The following PKN2 variants were observed in gnomAD, a reference collection of about 807,000 sequenced individuals.
The protein encoded by PKN2 is serine/threonine-protein kinase N2.
Under a neutral mutation model 119.1 loss-of-function variants are expected in PKN2, and 38 were observed. The ratio of observed to expected loss-of-function variants is 0.32; its 90% CI spans 0.25 to 0.42. The LOEUF is 0.42. Ranked by LOEUF, PKN2 falls within the 10% of genes least tolerant of loss-of-function variation. PKN2 has a pLI of 1.00. For synonymous variants in PKN2, 390 were observed against 384.9 expected (o/e 1.01, Z -0.15); for missense variants, 850 against 1,165.1 (o/e 0.73, Z 3.94).
chr1:88,715,413 G>T (rs1327654748), intron 1 of PKN2, among the ~76,000 whole-genome samples: 1 of 151,956 alleles, frequency 6.6e-6, no homozygotes, highest in Non-Finnish European at 1.5e-5. Context: ...TTTTTTGGTT[G>T]GTAGACTATT....
intron 2 of PKN2, among the ~76,000 whole-genome samples, chr1:88,744,507 G>A (rs552384778): frequency 1.3e-4 from 20 of 152,234 alleles, no homozygotes; most frequent in Admixed American, 9.2e-4. Flanking sequence ...TGCAACCTCC[G>A]CCTGCCGGGT....
At chr1:88,706,635 T>C (rs1354868381) in intron 1 of PKN2, among the ~76,000 whole-genome samples, 2 of 152,256 alleles carry the variant, frequency 1.3e-5, no homozygotes, top group South Asian at 2.1e-4. Context: ...TTTAATTACA[T>C]TGGGGATGTT....
intron 1 of PKN2, among the ~76,000 whole-genome samples, chr1:88,723,609 G>C (rs1667783592): frequency 6.6e-6 from 1 of 152,100 alleles, no homozygotes; most frequent in Admixed American, 6.5e-5. Flanking sequence ...TTTTAGTAGA[G>C]GTGAGGTTTC....
chr1:88,764,417 A>T (rs1669575219), intron 3 of PKN2, among the ~76,000 whole-genome samples: 1 of 152,150 alleles, frequency 6.6e-6, no homozygotes, highest in Non-Finnish European at 1.5e-5. Flanking sequence ...CTTAAATTAC[A>T]ATTTATGTGA....
intron 6 of PKN2, among the ~76,000 whole-genome samples, chr1:88,783,009 A>G (rs1670415158): frequency 6.6e-6 from 1 of 152,208 alleles, no homozygotes; most frequent in Non-Finnish European, 1.5e-5. Context: ...TTTAGGGGTA[A>G]TTATTCTCTA....
chr1:88,703,929 G>A (rs769706311), intron 1 of PKN2, among the ~76,000 whole-genome samples: 1 of 151,914 alleles, frequency 6.6e-6, no homozygotes, highest in Non-Finnish European at 1.5e-5. Flanking sequence ...GGCTAATCCT[G>A]TATATAGAAA....
intron 8 of PKN2, among the ~76,000 whole-genome samples, chr1:88,800,066 T>A (rs1671244590): frequency 6.6e-6 from 1 of 152,188 alleles, no homozygotes; most frequent in Admixed American, 6.5e-5. Context: ...TTTCTTTTCT[T>A]TTTGGCGGTG....
chr1:88,685,249 C>G (rs914897149), intron 1 of PKN2: 2 of 151,708 alleles, frequency 1.3e-5, no homozygotes, highest in African/African-American at 4.8e-5. Flanking sequence ...CTTTTCTTTT[C>G]CTTTCTTTTT....
intron 1 of PKN2, among the ~76,000 whole-genome samples, chr1:88,711,395 T>C (rs1359376508): frequency 1.3e-5 from 2 of 152,226 alleles, no homozygotes; most frequent in Non-Finnish European, 2.9e-5. Flanking sequence ...CAGTTTTGGT[T>C]TTGAAACATG....
At position 88,804,968 on chromosome 1, in the gene PKN2, C is replaced by T. The variant is rs368970395; in HGVS notation, c.1501+47C>T. On this transcript the variant is annotated intron_variant, in intron 10 of 21. Coordinates refer to ENST00000370521, the MANE Select transcript of PKN2 (RefSeq NM_006256.4). ...CATAGCATTTTGATATTTTCTTAAA[C>T]AATCTAATTACCATTTAAAAAGTAA... 15 of 896,974 alleles carry T rather than the reference C, an allele frequency of 1.7e-5. No homozygotes were observed. The East Asian group carries it at 2.3e-4, about 14-fold the overall frequency. 55.6% of individuals were successfully genotyped at this position (896,974 alleles called of 1,614,324 possible).
At chr1:88,685,735 T>G (rs1488323981) in intron 1 of PKN2, among the ~76,000 whole-genome samples, 1 of 152,228 alleles carries the variant, frequency 6.6e-6, no homozygotes. Context: ...ATGCCTGCAT[T>G]TCTTTTTGTG....
chr1:88,750,541 C>G (rs140647915), intron 2 of PKN2, among the ~76,000 whole-genome samples: 1 of 152,124 alleles, frequency 6.6e-6, no homozygotes, highest in African/African-American at 2.4e-5. Context: ...TTAATCATAT[C>G]CTATTTTCTG....
intron 1 of PKN2, among the ~76,000 whole-genome samples, chr1:88,736,396 C>T (rs957625174): frequency 1.3e-5 from 2 of 152,052 alleles, no homozygotes; most frequent in Admixed American, 1.3e-4. Context: ...GTCTCACTCA[C>T]TCTGTTGCCC....
chr1:88,805,499 A>G lies in PKN2; in HGVS notation c.1504A>G (p.Lys502Glu). 1 of 1,591,542 alleles carries G rather than the reference A, an allele frequency of 6.3e-7. No individual in the cohort carries two copies. Among genetic ancestry groups the G allele is most frequent in the Non-Finnish European group, 8.6e-7 (1 of 1,165,924 alleles). ...TTTGTTTTTTTCAACATCTACAGGC[A>G]AAACATTTCTCAGAGCTCCTCAAAT... ...QKKIFSKQQG[K>E]TFLRAPQMNI... Residue 502 changes from lysine to glutamate, a missense_variant and splice_region_variant, in exon 11 of 22, where the codon AAA (lysine) becomes GAA (glutamate). Around this residue, in one of 9 missense-constraint regions of PKN2, gnomAD observed 5 missense variants for 25.6 expected, o/e 0.20. Transcript: ENST00000370521.
chr1:88,754,175 T>G (rs1305108465), intron 2 of PKN2, among the ~76,000 whole-genome samples: 1 of 152,204 alleles, frequency 6.6e-6, no homozygotes, highest in Non-Finnish European at 1.5e-5. Context: ...TCTTTATGTA[T>G]TGTCTTCAAA....
chr1:88,792,413 T>A (rs1557614596), intron 8 of PKN2, among the ~76,000 whole-genome samples: 1 of 151,938 alleles, frequency 6.6e-6, no homozygotes, highest in Non-Finnish European at 1.5e-5. Context: ...AAAAAATAAA[T>A]AAATAAATAA....
chr1:88,710,501 A>G (rs1667184547), intron 1 of PKN2, among the ~76,000 whole-genome samples: 1 of 152,254 alleles, frequency 6.6e-6, no homozygotes, highest in Non-Finnish European at 1.5e-5. Flanking sequence ...CACAATTGAA[A>G]CACACAATTT....
chr1:88,751,519 C>T (rs1336337598), intron 2 of PKN2, among the ~76,000 whole-genome samples: 1 of 151,964 alleles, frequency 6.6e-6, no homozygotes, highest in Non-Finnish European at 1.5e-5. Context: ...TCCCTCTGTC[C>T]AAAATAACTT....
intron 16 of PKN2, among the ~76,000 whole-genome samples, chr1:88,817,394 G>A (rs1418014861): frequency 7.1e-6 from 1 of 141,234 alleles, no homozygotes; most frequent in East Asian, 2.2e-4. Context: ...TGGCGACAGA[G>A]CAAGACTCTG....
Sources: allele counts gnomAD v4.1 joint callset (sites outside exome capture counted in the v4.1 genomes callset), GRCh38; gene constraint gnomAD v4.1.1; regional missense constraint gnomAD v4.1.1; transcripts MANE v1.5; gene names NCBI Gene and HGNC (gene_info 2026-07-23, HGNC 2026-07-21).